The following SLC9A2 variants were observed in gnomAD, a reference collection of about 807,000 sequenced individuals.
SLC9A2 encodes the protein solute carrier family 9 member A2.
In SLC9A2, 42 loss-of-function variants were observed where a neutral mutation model predicts 71.7. The ratio of observed to expected loss-of-function variants is 0.59; its 90% CI spans 0.46 to 0.76. The LOEUF is 0.76. Among genes scored for constraint, SLC9A2 ranks in the 30% least tolerant of loss-of-function variants. The pLI is 0.00. For missense variants in SLC9A2, 829 were observed against 1,017.4 expected, an observed-to-expected ratio of 0.81 and a Z score of 2.52; for synonymous variants, 396 against 392.5, an observed-to-expected ratio of 1.01 and a Z score of -0.10.
intron 1 of SLC9A2, among the ~76,000 whole-genome samples, chr2:102,655,263 C>G (rs1217786752): frequency 1.4e-5 from 2 of 141,962 alleles, no homozygotes; most frequent in Non-Finnish European, 3.0e-5. Flanking sequence ...AAGTGATTCT[C>G]CTGCCTCAGT....
intron 3 of SLC9A2, among the ~76,000 whole-genome samples, chr2:102,668,316 C>T (rs571970866): frequency 7.2e-5 from 11 of 152,214 alleles, no homozygotes; most frequent in African/African-American, 2.4e-4. Flanking sequence ...CAAAACTTGA[C>T]TGTGTGTTGC....
intron 5 of SLC9A2, among the ~76,000 whole-genome samples, chr2:102,691,470 C>G (rs1677660744): frequency 6.6e-6 from 1 of 151,992 alleles, no homozygotes; most frequent in African/African-American, 2.4e-5. Context: ...AATATAACAT[C>G]CAATGTTGGG....
Position 102,704,610 on chromosome 2 carries a change from A to AT in SLC9A2, c.1914dup (p.Arg639SerfsTer11). ...TGAGAGACAAGCCAAGGAGATTCTG[A>AT]TTCGCCGGCGACACAGTTTGCGAGA... On this transcript the variant is annotated frameshift_variant, in exon 10 of 12. Transcript: ENST00000233969. LOFTEE classifies it high-confidence loss of function. 6.2e-7 allele frequency: 1 copy of AT among 1,613,652 alleles called. No homozygotes were observed. Among genetic ancestry groups the AT allele is most frequent in the Non-Finnish European group, 8.5e-7 (1 of 1,179,710 alleles).
At chr2:102,678,856 T>C (rs1317026893) in intron 3 of SLC9A2, among the ~76,000 whole-genome samples, 2 of 152,188 alleles carry the variant, frequency 1.3e-5, no homozygotes, top group Non-Finnish European at 2.9e-5. Flanking sequence ...CAGAGATGGT[T>C]TCATTCTTTC....
At chr2:102,641,755 A>G (rs766230379) in intron 1 of SLC9A2, among the ~76,000 whole-genome samples, 3 of 151,966 alleles carry the variant, frequency 2.0e-5, no homozygotes, top group South Asian at 2.1e-4. Flanking sequence ...AGTGCCTGAC[A>G]CATTTCATGA....
At chr2:102,661,672 T>C (rs1476361466) in intron 2 of SLC9A2, among the ~76,000 whole-genome samples, 1 of 152,186 alleles carries the variant, frequency 6.6e-6, no homozygotes, top group Admixed American at 6.5e-5. Flanking sequence ...GTTTGCAATT[T>C]AAAAATATCA....
intron 2 of SLC9A2, 92 bp downstream of exon 2, chr2:102,658,119 C>G: frequency 1.1e-6 from 1 of 941,396 alleles, no homozygotes; most frequent in Non-Finnish European, 1.6e-6. Context: ...AGGGGCGAGA[C>G]CCTGCACACA....
intron 7 of SLC9A2, 105 bp downstream of exon 7, chr2:102,695,218 G>A (rs1431169131): frequency 1.3e-6 from 1 of 779,038 alleles, no homozygotes; most frequent in East Asian, 2.5e-5. Context: ...TTCCTGTGTT[G>A]TACCATAGTA....
At chr2:102,664,835 G>A (rs918904902) in intron 2 of SLC9A2, among the ~76,000 whole-genome samples, 20 of 152,110 alleles carry the variant, frequency 1.3e-4, no homozygotes, top group Admixed American at 5.9e-4. Context: ...TTTGGAATAA[G>A]TTATGCAATA....
chr2:102,687,883 A>G (rs1268506279), intron 5 of SLC9A2, among the ~76,000 whole-genome samples: 1 of 151,890 alleles, frequency 6.6e-6, no homozygotes, highest in Non-Finnish European at 1.5e-5. Context: ...GGTTCCAGCG[A>G]TTCTCCTGCC....
chr2:102,628,235 A>G (rs778970379), intron 1 of SLC9A2, among the ~76,000 whole-genome samples: 1 of 152,210 alleles, frequency 6.6e-6, no homozygotes, highest in Non-Finnish European at 1.5e-5. Context: ...AAATTATGCA[A>G]ATGACATATC....
intron 5 of SLC9A2, among the ~76,000 whole-genome samples, chr2:102,684,679 A>G (rs1677513956): frequency 6.6e-6 from 1 of 152,222 alleles, no homozygotes; most frequent in African/African-American, 2.4e-5. Flanking sequence ...ACCTTCCAAC[A>G]GCTATTTGAC....
intron 1 of SLC9A2, among the ~76,000 whole-genome samples, chr2:102,637,089 G>A (rs376521339): frequency 2.0e-5 from 3 of 152,200 alleles, no homozygotes; most frequent in Admixed American, 1.3e-4. Flanking sequence ...TGGAATCACC[G>A]AAGATCCGTT....
At chr2:102,620,774 C>T (rs544589506) in intron 1 of SLC9A2, among the ~76,000 whole-genome samples, 1 of 152,266 alleles carries the variant, frequency 6.6e-6, no homozygotes, top group Non-Finnish European at 1.5e-5. Flanking sequence ...GGACAATGGC[C>T]CAGCCTGTAA....
intron 7 of SLC9A2, among the ~76,000 whole-genome samples, chr2:102,698,192 A>T (rs1677803512): frequency 6.6e-6 from 1 of 152,208 alleles, no homozygotes; most frequent in Non-Finnish European, 1.5e-5. Context: ...AACTCCAATT[A>T]AAAGTAGAGA....
At chr2:102,646,768 A>ATATATATATATATATATATATAT (rs1676731084) in intron 1 of SLC9A2, among the ~76,000 whole-genome samples, 10 of 132,976 alleles carry the variant, frequency 7.5e-5, no homozygotes, top group African/African-American at 3.1e-4. Flanking sequence ...AACGATCCTA[A>ATATATATATATATATATATATAT]ATATATATAT....
At chr2:102,656,300 T>C (rs554521409) in intron 1 of SLC9A2, among the ~76,000 whole-genome samples, 3 of 152,314 alleles carry the variant, frequency 2.0e-5, no homozygotes, top group South Asian at 2.1e-4. Context: ...GGCTCTACCA[T>C]GAATTAAGAG....
At chr2:102,624,751 C>T (rs1185492105) in intron 1 of SLC9A2, among the ~76,000 whole-genome samples, 1 of 152,126 alleles carries the variant, frequency 6.6e-6, no homozygotes, top group African/African-American at 2.4e-5. Context: ...GAATTTTCCA[C>T]CTCCCTCCAT....
chr2:102,655,679 T>A (rs1449491154), intron 1 of SLC9A2, among the ~76,000 whole-genome samples: 1 of 152,260 alleles, frequency 6.6e-6, no homozygotes, highest in African/African-American at 2.4e-5. Flanking sequence ...ATGTGGTACA[T>A]GACTGTATTA....
Sources: allele counts gnomAD v4.1 joint callset (sites outside exome capture counted in the v4.1 genomes callset), GRCh38; gene constraint gnomAD v4.1.1; transcripts MANE v1.5; gene names NCBI Gene and HGNC (gene_info 2026-07-23, HGNC 2026-07-21).